LAMA3: variants seen among roughly 807,000 people sequenced by gnomAD.
The protein encoded by LAMA3 is laminin subunit alpha-3.
A neutral mutation model predicts 402.0 loss-of-function variants in LAMA3; 281 were observed. The observed-to-expected ratio is 0.70, with a 90% CI of 0.63 to 0.77. LAMA3 has a LOEUF of 0.77. Ranked by LOEUF, LAMA3 falls within the 30% of genes least tolerant of loss-of-function variation. The probability of loss-of-function intolerance (pLI) is 0.00; values close to 1 mark genes in which losing one functional copy is unlikely to be tolerated. For missense variants in LAMA3, 3,840 were observed against 4,215.5 expected (o/e 0.91, Z 2.47); for synonymous variants, 1,431 against 1,558.4 (o/e 0.92, Z 1.93).
At chr18:23,860,254 T>G (rs1441171737) in intron 34 of LAMA3, among the ~76,000 whole-genome samples, 2 of 130,370 alleles carry the variant, frequency 1.5e-5, no homozygotes, top group African/African-American at 5.5e-5. Flanking sequence ...TTGGTCACTT[T>G]TCTTTTCTTT....
rs1181208704 is a variant in LAMA3 at position 23,751,421 on chromosome 18, A to G, written c.855+333A>G. Among the ~76,000 whole-genome samples the G allele has an allele frequency of 2.6e-5, 4 of 152,280 alleles. 1 individual carries two copies. The South Asian group carries it at 6.2e-4, about 24-fold the overall frequency. On this transcript the variant is annotated intron_variant, in intron 5 of 74. Coordinates refer to ENST00000313654, the MANE Select transcript of LAMA3 (RefSeq NM_198129.4). ...AAATAAAGCTTTGTTTCTTGCTCCTATTACAGTTTAACATGGGTCAGCAGG... is the reference window on the plus strand; with the variant it reads ...AAATAAAGCTTTGTTTCTTGCTCCTGTTACAGTTTAACATGGGTCAGCAGG...
intron 12 of LAMA3, among the ~76,000 whole-genome samples, chr18:23,791,892 C>T (rs2062664761): frequency 6.6e-6 from 1 of 151,938 alleles, no homozygotes; most frequent in Admixed American, 6.6e-5. Context: ...GAAGTAAATA[C>T]AAGGAAAATA....
chr18:23,937,371 CAAAAAAA>C (rs58274189), intron 67 of LAMA3, among the ~76,000 whole-genome samples: 1 of 92,918 alleles, frequency 1.1e-5, no homozygotes, highest in African/African-American at 5.1e-5. Context: ...TTCTCAAAAG[CAAAAAAA>C]AAAAAAAAAA....
intron 12 of LAMA3, among the ~76,000 whole-genome samples, chr18:23,797,343 A>G (rs1033188739): frequency 9.2e-5 from 14 of 152,110 alleles, no homozygotes; most frequent in Non-Finnish European, 2.1e-4. Context: ...ACCATGGCCC[A>G]CAATGGTGTA....
chr18:23,809,451 TC>T (rs1338297886), intron 12 of LAMA3, among the ~76,000 whole-genome samples: 1 of 152,218 alleles, frequency 6.6e-6, no homozygotes, highest in African/African-American at 2.4e-5. Flanking sequence ...TTCTTTCAGT[TC>T]TTAAGATGTA....
intron 31 of LAMA3, 111 bp downstream of exon 31, chr18:23,846,619 G>A (rs2063822662): frequency 4.9e-6 from 5 of 1,010,872 alleles, no homozygotes; most frequent in Admixed American, 2.0e-5. Flanking sequence ...CTGGAGATCT[G>A]GAGAAATGCA....
At position 23,858,340 on chromosome 18, in the gene LAMA3, C is replaced by T. The variant is rs182044219; in HGVS notation, c.4282-349C>T. 6.4e-3 allele frequency among the ~76,000 whole-genome samples: 967 copies of T among 152,204 alleles called. 6 individuals carry two copies. The highest frequency in any genetic ancestry group is 0.051 in the Middle Eastern group (15 of 292). ...TGATCATCTCTGCTCCAAGGGGTTC[C>T]GCCAGGTTGTAGGAGACCTTCCAAT... On this transcript the variant is annotated intron_variant, in intron 33 of 74. Coordinates refer to ENST00000313654, the MANE Select transcript of LAMA3 (RefSeq NM_198129.4).
chr18:23,694,871 G>C (rs1374536659), intron 1 of LAMA3, among the ~76,000 whole-genome samples: 1 of 152,182 alleles, frequency 6.6e-6, no homozygotes, highest in African/African-American at 2.4e-5. Flanking sequence ...GCCCCATAGA[G>C]TAGAATTCCT....
intron 12 of LAMA3, among the ~76,000 whole-genome samples, chr18:23,784,716 G>A (rs763385789): frequency 6.6e-6 from 1 of 152,044 alleles, no homozygotes; most frequent in Non-Finnish European, 1.5e-5. Flanking sequence ...TGTCTGGTCC[G>A]GTCCCTAGAG....
intron 2 of LAMA3, among the ~76,000 whole-genome samples, chr18:23,721,162 A>G (rs77905478): frequency 6.8e-6 from 1 of 148,140 alleles, no homozygotes. Context: ...TGCCTCTATT[A>G]AAAAAAAAAG....
intron 2 of LAMA3, among the ~76,000 whole-genome samples, chr18:23,716,222 A>G (rs1371989249): frequency 6.6e-6 from 1 of 151,912 alleles, no homozygotes; most frequent in African/African-American, 2.4e-5. Context: ...CAGTGGTGCA[A>G]TCTCGGCTTA....
intron 2 of LAMA3, among the ~76,000 whole-genome samples, chr18:23,719,004 G>T (rs1340671018): frequency 1.3e-5 from 2 of 152,200 alleles, no homozygotes; most frequent in African/African-American, 4.8e-5. Flanking sequence ...ATTCCTCAGA[G>T]TGTCCCTGGT....
At chr18:23,809,819 G>C (rs1000302352) in intron 12 of LAMA3, among the ~76,000 whole-genome samples, 64 of 152,148 alleles carry the variant, frequency 4.2e-4, no homozygotes, top group African/African-American at 1.5e-3. Context: ...GGTATAAAGA[G>C]AGGAGGAAAG....
At chr18:23,860,926 A>T (rs2064203882) in intron 34 of LAMA3, among the ~76,000 whole-genome samples, 1 of 152,068 alleles carries the variant, frequency 6.6e-6, no homozygotes, top group Admixed American at 6.5e-5. Flanking sequence ...TCCTGACCTC[A>T]GGTGATCCAC....
chr18:23,823,218 C>T (rs567525865), intron 20 of LAMA3, among the ~76,000 whole-genome samples: 3 of 152,270 alleles, frequency 2.0e-5, no homozygotes, highest in South Asian at 4.1e-4. Flanking sequence ...AGTAATTTAG[C>T]ACCCATTGCC....
At chr18:23,909,822 A>T (rs926711786) in intron 55 of LAMA3, among the ~76,000 whole-genome samples, 1 of 152,224 alleles carries the variant, frequency 6.6e-6, no homozygotes, top group South Asian at 2.1e-4. Flanking sequence ...TTTGTCCTAA[A>T]ATGGCATAAA....
intron 42 of LAMA3, among the ~76,000 whole-genome samples, chr18:23,892,355 C>T (rs778193646): frequency 6.6e-6 from 1 of 152,004 alleles, no homozygotes; most frequent in Non-Finnish European, 1.5e-5. Context: ...CTTGCTTATT[C>T]CTGTTAGAGT....
intron 1 of LAMA3, among the ~76,000 whole-genome samples, chr18:23,705,158 T>C (rs2060862821): frequency 6.6e-6 from 1 of 152,200 alleles, no homozygotes; most frequent in African/African-American, 2.4e-5. Flanking sequence ...CTGTCTAGAA[T>C]GGCATTTGGT....
At chr18:23,886,635 AG>A (rs1358828503) in intron 41 of LAMA3, among the ~76,000 whole-genome samples, 1 of 152,230 alleles carries the variant, frequency 6.6e-6, no homozygotes, top group Non-Finnish European at 1.5e-5. Flanking sequence ...GAAAAAAAAA[AG>A]CCAATTTGAT....
Sources: gnomAD v4.1 joint callset for allele counts (sites outside exome capture counted in the v4.1 genomes callset) on GRCh38, gnomAD v4.1.1 for gene constraint, MANE v1.5 for transcripts, NCBI Gene and HGNC (gene_info 2026-07-23, HGNC 2026-07-21) for gene names.